The following PARD3B variants were observed in gnomAD, a reference collection of about 807,000 sequenced individuals.
PARD3B encodes partitioning defective 3 homolog B.
In PARD3B, 103 loss-of-function variants were observed where a neutral mutation model predicts 130.2. That is an observed-to-expected ratio of 0.79 (90% CI 0.67 to 0.93). The LOEUF (loss-of-function observed/expected upper bound fraction) is 0.93. PARD3B is among the 40% of genes least tolerant of loss of function. PARD3B has a pLI of 0.00. For missense variants in PARD3B, 1,609 were observed against 1,499.2 expected (o/e 1.07, Z -1.21); for synonymous variants, 583 against 553.2 (o/e 1.05, Z -0.76).
At chr2:204,552,994 T>G (rs989860722) in intron 1 of PARD3B, among the ~76,000 whole-genome samples, 2 of 152,164 alleles carry the variant, frequency 1.3e-5, no homozygotes, top group Non-Finnish European at 2.9e-5. Context: ...AGAAAATCTT[T>G]GCAATCTATA....
At chr2:204,964,368 T>C (rs1197214116) in intron 2 of PARD3B, among the ~76,000 whole-genome samples, 1 of 152,196 alleles carries the variant, frequency 6.6e-6, no homozygotes, top group Non-Finnish European at 1.5e-5. Context: ...TTTTTAAAGA[T>C]ACCTTGCCCT....
chr2:205,203,902 G>A lies in PARD3B; in HGVS notation c.2140+10582G>A, dbSNP rs146231278. Among the ~76,000 whole-genome samples the A allele has an allele frequency of 8.1e-3, 1,226 of 152,172 alleles. 17 individuals carry two copies. The highest frequency in any genetic ancestry group is 0.014 in the African/African-American group (572 of 41,516). ...AGTCTTTGCTATTGTGAATAGTGCCGCAATAAACATACGTGTACATGTCTC... is the reference window on the plus strand; with the variant it reads ...AGTCTTTGCTATTGTGAATAGTGCCACAATAAACATACGTGTACATGTCTC... On this transcript the variant is annotated intron_variant, in intron 15 of 22. Coordinates refer to ENST00000406610, the MANE Select transcript of PARD3B (RefSeq NM_001302769.2).
chr2:204,736,825 C>T (rs1433064162), intron 2 of PARD3B, among the ~76,000 whole-genome samples: 1 of 152,180 alleles, frequency 6.6e-6, no homozygotes, highest in Non-Finnish European at 1.5e-5. Context: ...AATGGTAGAT[C>T]TACTTTTATC....
intron 2 of PARD3B, among the ~76,000 whole-genome samples, chr2:204,940,824 C>G (rs1161024493): frequency 6.6e-6 from 1 of 151,968 alleles, no homozygotes; most frequent in Non-Finnish European, 1.5e-5. Flanking sequence ...TATTTTCAAG[C>G]CATGGTACTC....
intron 16 of PARD3B, among the ~76,000 whole-genome samples, chr2:205,283,797 G>T (rs2041282171): frequency 6.6e-6 from 1 of 152,132 alleles, no homozygotes; most frequent in Non-Finnish European, 1.5e-5. Context: ...TCACATTGTT[G>T]TGCAGCCAGC....
At chr2:205,092,776 G>A (rs116279715) in intron 4 of PARD3B, among the ~76,000 whole-genome samples, 3,669 of 152,260 alleles carry the variant, frequency 0.024, 55 homozygotes, top group Middle Eastern at 0.068. Context: ...TCAGGATCTG[G>A]AGGTTTCAGC....
At position 205,412,745 on chromosome 2, in the gene PARD3B, T is replaced by C. The variant is rs143103994; in HGVS notation, c.2741+11622T>C. Among the ~76,000 whole-genome samples the C allele has an allele frequency of 4.0e-3, 607 of 152,324 alleles. 8 individuals carry two copies. The highest frequency in any genetic ancestry group is 0.013 in the African/African-American group (559 of 41,584). ...ACTGTGCCATTTCTAGTACCATTTC[T>C]GCTGTCTGGAATGCTCTTCTGTCTG... On this transcript the variant is annotated intron_variant, in intron 19 of 22. Transcript: ENST00000406610.
chr2:205,040,964 T>C (rs1340591244), intron 3 of PARD3B, among the ~76,000 whole-genome samples: 10 of 152,134 alleles, frequency 6.6e-5, no homozygotes, highest in African/African-American at 1.9e-4. Flanking sequence ...CCAGTTCCCT[T>C]CTCCATGCTT....
At chr2:204,945,397 G>T (rs923981467) in intron 2 of PARD3B, among the ~76,000 whole-genome samples, 2 of 152,194 alleles carry the variant, frequency 1.3e-5, no homozygotes, top group Non-Finnish European at 2.9e-5. Flanking sequence ...GCTAGCTCGG[G>T]TAGTTTTATT....
chr2:204,744,918 G>A (rs1051429408), intron 2 of PARD3B, among the ~76,000 whole-genome samples: 1 of 152,138 alleles, frequency 6.6e-6, no homozygotes, highest in Non-Finnish European at 1.5e-5. Context: ...ATTGAGTGGG[G>A]CTGTCCAGTC....
intron 22 of PARD3B, among the ~76,000 whole-genome samples, chr2:205,604,732 C>T (rs2054921465): frequency 1.3e-5 from 2 of 152,144 alleles, no homozygotes; most frequent in Non-Finnish European, 2.9e-5. Flanking sequence ...CTCTGGATTT[C>T]CTGAATTTAA....
intron 3 of PARD3B, among the ~76,000 whole-genome samples, chr2:205,043,447 G>T (rs1246274790): frequency 6.6e-6 from 1 of 152,288 alleles, no homozygotes; most frequent in South Asian, 2.1e-4. Context: ...CTGAGTCACA[G>T]AGCAGTGCAA....
intron 18 of PARD3B, among the ~76,000 whole-genome samples, chr2:205,344,005 G>T (rs2043647946): frequency 6.6e-6 from 1 of 152,098 alleles, no homozygotes; most frequent in East Asian, 1.9e-4. Context: ...CAACAGCAAG[G>T]AGGCTATTTT....
chr2:204,660,655 C>T (rs1398033039), intron 1 of PARD3B, among the ~76,000 whole-genome samples: 1 of 152,118 alleles, frequency 6.6e-6, no homozygotes, highest in Non-Finnish European at 1.5e-5. Flanking sequence ...TGAAGTGACT[C>T]CCATACTAAA....
In PARD3B at chr2:204,978,874, G is replaced by T. The variant is rs565712571; in HGVS notation, c.394+13551G>T. Among the ~76,000 whole-genome samples, 5 of 146,560 alleles carry T rather than the reference G, an allele frequency of 3.4e-5. No homozygotes were observed. In the South Asian group the frequency reaches 1.1e-3, roughly 32 times the overall value. Reference sequence around the variant, plus strand: ...AGCTACTCAGGAGGCTAAGGCAAGAGAATTGCTTGAACCAGGGAGGCAGAA... The same window carrying T: ...AGCTACTCAGGAGGCTAAGGCAAGATAATTGCTTGAACCAGGGAGGCAGAA... On this transcript the variant is annotated intron_variant, in intron 3 of 22. Transcript: ENST00000406610.
chr2:205,304,593 C>CAA (rs2042124604), intron 18 of PARD3B, among the ~76,000 whole-genome samples: 1 of 150,202 alleles, frequency 6.7e-6, no homozygotes. Context: ...CAAGATTGCA[C>CAA]CATTGTACTC....
rs1174184197 is a variant in PARD3B, at chr2:205,118,952, GACAACA to G, written c.713_718del (p.Asp238_Ser240delinsGly). On this transcript the variant is annotated inframe_deletion, in exon 7 of 23. Coordinates refer to ENST00000406610, the MANE Select transcript of PARD3B (RefSeq NM_001302769.2). ...AGGACTCTTCATCCGAGGCATTGAA[GACAACA>G]GCAGGTCCAAGCGGGAGGGACTATT... 6.2e-7 allele frequency: 1 copy of G among 1,608,160 alleles called. No individual in the cohort carries two copies. The highest frequency in any genetic ancestry group is 2.3e-5 in the East Asian group (1 of 44,380).
chr2:204,661,524 A>G (rs895365354), intron 1 of PARD3B, among the ~76,000 whole-genome samples: 7 of 152,160 alleles, frequency 4.6e-5, no homozygotes, highest in African/African-American at 1.7e-4. Flanking sequence ...CCTCATCTCC[A>G]TCTGGAATAC....
intron 2 of PARD3B, among the ~76,000 whole-genome samples, chr2:204,761,932 G>A (rs1299140818): frequency 6.6e-6 from 1 of 151,638 alleles, no homozygotes; most frequent in African/African-American, 2.4e-5. Flanking sequence ...TATGAATCAG[G>A]CTTTCAATTT....
Sources: gnomAD v4.1 joint callset for allele counts (sites outside exome capture counted in the v4.1 genomes callset) on GRCh38, gnomAD v4.1.1 for gene constraint, MANE v1.5 for transcripts, NCBI Gene and HGNC (gene_info 2026-07-23, HGNC 2026-07-21) for gene names.